The following POTEJ variants were observed in gnomAD, a reference collection of about 807,000 sequenced individuals.
POTEJ encodes the protein POTE ankyrin domain family, member J.
POTEJ carries 11 observed loss-of-function variants against 69.0 expected under a neutral mutation model. The ratio of observed to expected loss-of-function variants is 0.16; its 90% CI spans 0.10 to 0.26. The LOEUF (loss-of-function observed/expected upper bound fraction) is 0.26, where lower values mean the gene tolerates loss of function less well. Among genes scored for constraint, POTEJ ranks in the 10% least tolerant of loss-of-function variants. The pLI, the probability that POTEJ is intolerant of heterozygous loss-of-function variation, is 1.00. For missense variants in POTEJ, 327 were observed against 1,045.5 expected, an observed-to-expected ratio of 0.31 and a Z score of 9.48; for synonymous variants, 117 against 381.1, an observed-to-expected ratio of 0.31 and a Z score of 8.07.
At chr2:130,637,969 A>C (rs1033367228) in intron 9 of POTEJ, among the ~76,000 whole-genome samples, 3 of 147,878 alleles carry the variant, frequency 2.0e-5, no homozygotes, top group South Asian at 2.1e-4. Flanking sequence ...GAAAAAATTT[A>C]GTTACAAACT....
chr2:130,629,095 A>G, intron 6 of POTEJ, among the ~76,000 whole-genome samples: 1 of 152,112 alleles, frequency 6.6e-6, no homozygotes, highest in Non-Finnish European at 1.5e-5. Context: ...TTGGGAAGAC[A>G]TTGTACACTA....
At chr2:130,611,311 G>T (rs1480454206), upstream of POTEJ, among the ~76,000 whole-genome samples, 2 of 140,350 alleles carry the variant, frequency 1.4e-5, no homozygotes, top group Non-Finnish European at 3.0e-5. Flanking sequence ...GGGGGGGGGG[G>T]GTTGGCCCTT....
At chr2:130,627,061 C>T (rs1231750161) in intron 6 of POTEJ, among the ~76,000 whole-genome samples, 2 of 152,094 alleles carry the variant, frequency 1.3e-5, no homozygotes, top group East Asian at 3.8e-4. Flanking sequence ...CAGATAATTT[C>T]CAGGTTTCCA....
chr2:130,649,639 G>A (rs1335091642), intron 13 of POTEJ, among the ~76,000 whole-genome samples: 1 of 152,178 alleles, frequency 6.6e-6, no homozygotes, highest in Non-Finnish European at 1.5e-5. Context: ...CTCTGAGTAT[G>A]TGGCAGAGTT....
intron 1 of POTEJ, among the ~76,000 whole-genome samples, chr2:130,613,400 A>G (rs1230977481): frequency 3.5e-5 from 5 of 142,892 alleles, no homozygotes; most frequent in African/African-American, 8.0e-5. Flanking sequence ...ATATATATAT[A>G]TATATATATA....
chr2:130,612,847 G>A (rs542941100), intron 1 of POTEJ, among the ~76,000 whole-genome samples: 5 of 140,652 alleles, frequency 3.6e-5, no homozygotes, highest in South Asian at 2.3e-4. Context: ...AAGTTTTAGC[G>A]TTTTTAAATT....
rs1209773895 is a variant in POTEJ, at chr2:130,647,159, T to C, written c.1667+849T>C. 2.6e-5 allele frequency among the ~76,000 whole-genome samples: 4 copies of C among 150,972 alleles called. No individual in the cohort carries two copies. In the East Asian group the frequency reaches 7.7e-4, roughly 29 times the overall value. Reference sequence around the variant, plus strand: ...ACCATTTTAAAAAAATGAGGTTAGATGTAGGGTATACTGATTATTTCACAA... The same window carrying C: ...ACCATTTTAAAAAAATGAGGTTAGACGTAGGGTATACTGATTATTTCACAA... On this transcript the variant is annotated intron_variant, in intron 13 of 14. Coordinates refer to ENST00000409602, the MANE Select transcript of POTEJ (RefSeq NM_001277083.2).
At chr2:130,637,681 A>T (rs1686154917) in intron 9 of POTEJ, among the ~76,000 whole-genome samples, 1 of 152,290 alleles carries the variant, frequency 6.6e-6, no homozygotes, top group South Asian at 2.1e-4. Flanking sequence ...ATATATTGTT[A>T]GTATGTATGT....
At chr2:130,641,718 T>G (rs1412985008) in intron 10 of POTEJ, among the ~76,000 whole-genome samples, 3 of 151,890 alleles carry the variant, frequency 2.0e-5, no homozygotes, top group African/African-American at 7.3e-5. Flanking sequence ...AATTTTTTTC[T>G]ATGCATGTTT....
At position 130,652,497 on chromosome 2, in the gene POTEJ, A is replaced by G. The variant is rs201611093; in HGVS notation, c.1668-2424A>G. Among the ~76,000 whole-genome samples, 8 of 71,656 alleles carry G rather than the reference A, an allele frequency of 1.1e-4. 1 individual carries two copies. The East Asian group carries it at 2.2e-3, about 19-fold the overall frequency. 47.0% of individuals were successfully genotyped at this position (71,656 alleles called of 152,430 possible). A position where few individuals can be genotyped will look rare whatever the true frequency, so the allele number is the denominator to read the frequency against. ...ACTGGTTGATTCCATATCTTTGCAT[A>G]TTGTGAATTGTGCTGCAGTAAACAT... On this transcript the variant is annotated intron_variant, in intron 13 of 14. Coordinates refer to ENST00000409602, the MANE Select transcript of POTEJ (RefSeq NM_001277083.2).
intron 1 of POTEJ, 82 bp downstream of exon 1, chr2:130,612,024 TG>T: frequency 6.3e-7 from 1 of 1,574,806 alleles, no homozygotes; most frequent in Non-Finnish European, 8.7e-7. Context: ...GAGGGGGACC[TG>T]GCTTTCTCAC....
At position 130,656,597 on chromosome 2, in the gene POTEJ, A is replaced by T. The variant is rs1226176911; in HGVS notation, c.1837A>T (p.Met613Leu). 7.5e-6 allele frequency: 12 copies of T among 1,609,586 alleles called. No individual in the cohort carries two copies. Among genetic ancestry groups the T allele is most frequent in the Non-Finnish European group, 1.0e-5 (12 of 1,179,872 alleles). ...KERDFLHENSMLREEIAMLRL... is the reference protein window; with the variant it reads ...KERDFLHENSLLREEIAMLRL... Reference sequence around the variant, plus strand: ...AAGAGACTTCTTGCATGAAAATAGTATGTTGCGGGAAGAAATTGCCATGCT... The same window carrying T: ...AAGAGACTTCTTGCATGAAAATAGTTTGTTGCGGGAAGAAATTGCCATGCT... Residue 613 changes from methionine (M) to leucine (L), a missense_variant, in exon 15 of 15, where the codon ATG becomes TTG. Coordinates refer to ENST00000409602, the MANE Select transcript of POTEJ (RefSeq NM_001277083.2).
intron 9 of POTEJ, among the ~76,000 whole-genome samples, chr2:130,636,203 C>G (rs1240200429): frequency 6.6e-6 from 1 of 151,866 alleles, no homozygotes; most frequent in Non-Finnish European, 1.5e-5. Flanking sequence ...TTATTTAAAA[C>G]CACCTTTCTA....
chr2:130,625,044 C>T (rs1685652382), intron 6 of POTEJ, among the ~76,000 whole-genome samples: 1 of 152,158 alleles, frequency 6.6e-6, no homozygotes, highest in Admixed American at 6.5e-5. Flanking sequence ...TGCTAGTATG[C>T]TACCTGGTTG....
intron 13 of POTEJ, among the ~76,000 whole-genome samples, chr2:130,648,360 CTG>C (rs1193049008): frequency 3.5e-5 from 5 of 141,192 alleles, no homozygotes; most frequent in Admixed American, 2.1e-4. Context: ...TTTTCCATGA[CTG>C]TGGATGAAAA....
Position 130,643,106 on chromosome 2 carries a change from A to C in POTEJ, c.1370-877A>C, listed in dbSNP as rs555746307. Among the ~76,000 whole-genome samples, 853 of 147,504 alleles carry C rather than the reference A, an allele frequency of 5.8e-3. 12 individuals are homozygous for C. Among genetic ancestry groups the C allele is most frequent in the African/African-American group, 0.019 (750 of 39,574 alleles). ...GAGGGGACAGACATGTGGAGGAATA[A>C]TGTACAGTTTAGGTGGTCAAGATGC... On this transcript the variant is annotated intron_variant, in intron 10 of 14. Transcript: ENST00000409602.
chr2:130,629,120 A>G (rs1573978598), intron 6 of POTEJ, among the ~76,000 whole-genome samples: 2 of 152,166 alleles, frequency 1.3e-5, no homozygotes, highest in South Asian at 4.1e-4. Context: ...AGGTGTCAGT[A>G]GTAATTTTTG....
At chr2:130,613,545 C>G (rs1304706284) in intron 1 of POTEJ, among the ~76,000 whole-genome samples, 8 of 135,450 alleles carry the variant, frequency 5.9e-5, no homozygotes, top group African/African-American at 2.4e-4. Flanking sequence ...GGATTACAGG[C>G]GCCTGCCACC....
At chr2:130,642,357 G>C (rs544861743) in intron 10 of POTEJ, among the ~76,000 whole-genome samples, 1,847 of 104,108 alleles carry the variant, frequency 0.018, no homozygotes, top group Non-Finnish European at 0.027. Flanking sequence ...TCACAGCTCT[G>C]AATTCACGAC....
Sources: allele counts gnomAD v4.1 joint callset (sites outside exome capture counted in the v4.1 genomes callset), GRCh38; gene constraint gnomAD v4.1.1; transcripts MANE v1.5; gene names NCBI Gene and HGNC (gene_info 2026-07-23, HGNC 2026-07-21).